The following TENM2 variants were observed in gnomAD, a reference collection of about 807,000 sequenced individuals.
TENM2 encodes teneurin transmembrane protein 2, also known as teneurin-2.
A neutral mutation model predicts 245.2 loss-of-function variants in TENM2; 52 were observed. That is an observed-to-expected ratio of 0.21 (90% confidence interval 0.17 to 0.27). The LOEUF is 0.27. Among genes scored for constraint, TENM2 ranks in the 10% least tolerant of loss-of-function variants. TENM2 has a pLI of 1.00. For missense variants in TENM2, 3,046 were observed against 3,666.8 expected, an observed-to-expected ratio of 0.83 and a Z score of 4.37; for synonymous variants, 1,363 against 1,438.9, an observed-to-expected ratio of 0.95 and a Z score of 1.19.
chr5:167,868,870 C>T (rs953350336), intron 2 of TENM2, among the ~76,000 whole-genome samples: 1 of 152,170 alleles, frequency 6.6e-6, no homozygotes, highest in Non-Finnish European at 1.5e-5. Flanking sequence ...TGTGAACCAG[C>T]TGGAACCAGT....
the TENM2 span, among the ~76,000 whole-genome samples, chr5:167,054,951 A>G: frequency 6.6e-6 from 1 of 151,982 alleles, no homozygotes; most frequent in African/African-American, 2.4e-5. Context: ...TCTGTCTTTT[A>G]ACAATATTTT....
chr5:167,368,431 T>C (rs1760195854), intron 1 of TENM2, among the ~76,000 whole-genome samples: 1 of 152,184 alleles, frequency 6.6e-6, no homozygotes, highest in Non-Finnish European at 1.5e-5. Context: ...GTCATTTTTT[T>C]TCCAAAAAAT....
At position 168,215,103 on chromosome 5, in the gene TENM2, C is replaced by A. The variant is rs374938311; in HGVS notation, c.3909C>A (p.Ser1303=). The A allele has an allele frequency of 2.5e-6, 4 of 1,613,768 alleles. No individual in the cohort carries two copies. In the Admixed American group the frequency reaches 6.7e-5, roughly 27 times the overall value. ...CCGTGTCCGGCTCGCTCTACGTGTC[C>A]GACACCAACAGCAGGAGAATCTACC... is the stretch of plus-strand genomic sequence containing the variant. Residue 1303 remains serine (S), a synonymous_variant, in exon 21 of 29, where the codon TCC becomes TCA. Coordinates refer to ENST00000518659, the Ensembl canonical transcript of TENM2.
At chr5:167,450,818 G>C (rs1001271532) in intron 2 of TENM2, among the ~76,000 whole-genome samples, 7 of 152,014 alleles carry the variant, frequency 4.6e-5, no homozygotes, top group African/African-American at 7.2e-5. Flanking sequence ...TGCTACATTA[G>C]ATACCTTACT....
chr5:168,042,065 T>C (rs940854726), intron 5 of TENM2, among the ~76,000 whole-genome samples: 3 of 152,186 alleles, frequency 2.0e-5, no homozygotes, highest in Non-Finnish European at 2.9e-5. Flanking sequence ...GTTGACTTAA[T>C]TGGCTGGTGC....
chr5:167,250,646 T>G, the TENM2 span, among the ~76,000 whole-genome samples: 1 of 152,150 alleles, frequency 6.6e-6, no homozygotes, highest in Non-Finnish European at 1.5e-5. Flanking sequence ...TGATGTTATA[T>G]ATGAGGCCAT....
At chr5:167,707,100 C>T (rs933928522) in intron 2 of TENM2, among the ~76,000 whole-genome samples, 5 of 151,116 alleles carry the variant, frequency 3.3e-5, no homozygotes, top group Admixed American at 2.0e-4. Flanking sequence ...TCATAGTAGC[C>T]ATCCTAACAC....
intron 2 of TENM2, among the ~76,000 whole-genome samples, chr5:167,520,932 CTTTTTTTT>C (rs374211778): frequency 7.7e-6 from 1 of 130,536 alleles, no homozygotes; most frequent in East Asian, 2.2e-4. Flanking sequence ...ATTCTTTTTC[CTTTTTTTT>C]TTTTTTTTTG....
chr5:167,548,409 A>C (rs918671808), intron 2 of TENM2, among the ~76,000 whole-genome samples: 4 of 151,870 alleles, frequency 2.6e-5, no homozygotes, highest in Admixed American at 2.6e-4. Flanking sequence ...CTCCCTGTAC[A>C]TTTTTTTTCT....
chr5:167,800,779 C>G (rs1331085921), intron 2 of TENM2, among the ~76,000 whole-genome samples: 1 of 152,054 alleles, frequency 6.6e-6, no homozygotes, highest in Non-Finnish European at 1.5e-5. Context: ...ATTTGAATCT[C>G]CAGTTTCTCT....
At chr5:167,032,345 T>C in the TENM2 span, among the ~76,000 whole-genome samples, 2 of 152,202 alleles carry the variant, frequency 1.3e-5, no homozygotes, top group Non-Finnish European at 2.9e-5. Flanking sequence ...ACATGTTTTT[T>C]GCTGCCTCTG....
chr5:167,600,097 G>A (rs1776535072), intron 2 of TENM2, among the ~76,000 whole-genome samples: 1 of 21,192 alleles, frequency 4.7e-5, no homozygotes, highest in African/African-American at 1.3e-4. Context: ...TTCATTTATA[G>A]GATACGTGGA....
intron 15 of TENM2, among the ~76,000 whole-genome samples, chr5:168,197,959 G>GT (rs1761596413): frequency 6.6e-6 from 1 of 152,136 alleles, no homozygotes; most frequent in Non-Finnish European, 1.5e-5. Context: ...GTGTCCTAAC[G>GT]TAGTATCGTT....
At chr5:168,226,440 T>C (rs978917637) in intron 24 of TENM2, among the ~76,000 whole-genome samples, 177 bp downstream of exon 26, 1 of 152,182 alleles carries the variant, frequency 6.6e-6, no homozygotes, top group Non-Finnish European at 1.5e-5. Context: ...TTGTAGAAAA[T>C]GACTTAATCA....
intron 12 of TENM2, among the ~76,000 whole-genome samples, chr5:168,132,750 G>A (rs1001974973): frequency 3.3e-5 from 5 of 152,202 alleles, no homozygotes; most frequent in African/African-American, 1.2e-4. Context: ...TGAAAAACAT[G>A]GGATGCATTG....
At chr5:167,838,533 T>G (rs374603741) in intron 2 of TENM2, among the ~76,000 whole-genome samples, 1 of 152,182 alleles carries the variant, frequency 6.6e-6, no homozygotes, top group South Asian at 2.1e-4. Context: ...ACATTTATTA[T>G]AAAAATAGCA....
intron 2 of TENM2, among the ~76,000 whole-genome samples, chr5:167,687,290 A>T (rs1270161079): frequency 1.3e-5 from 2 of 152,330 alleles, no homozygotes; most frequent in Middle Eastern, 3.4e-3. Flanking sequence ...TACGTATATG[A>T]TCTAAGTATT....
At chr5:167,074,255 A>AC in the TENM2 span, among the ~76,000 whole-genome samples, 1 of 152,202 alleles carries the variant, frequency 6.6e-6, no homozygotes, top group Non-Finnish European at 1.5e-5. Flanking sequence ...TAATTAGACA[A>AC]ACCAGTGGAA....
the TENM2 span, among the ~76,000 whole-genome samples, chr5:167,005,242 T>A: frequency 6.6e-6 from 1 of 152,108 alleles, no homozygotes; most frequent in Non-Finnish European, 1.5e-5. Flanking sequence ...TTCTTGAAAG[T>A]TGGGAATGGT....
Sources: gnomAD v4.1 joint callset for allele counts (sites outside exome capture counted in the v4.1 genomes callset) on GRCh38, gnomAD v4.1.1 for gene constraint, MANE v1.5 for transcripts, NCBI Gene and HGNC (gene_info 2026-07-23, HGNC 2026-07-21) for gene names.